Variants in PSD3 observed in about 807,000 individuals in gnomAD.
PSD3 encodes the protein pleckstrin and Sec7 domain containing 3.
Under a neutral mutation model 105.5 loss-of-function variants are expected in PSD3, and 49 were observed. That is an observed-to-expected ratio of 0.46 (90% CI 0.37 to 0.59). The LOEUF (loss-of-function observed/expected upper bound fraction) is 0.59, where lower values mean the gene tolerates loss of function less well. PSD3 is among the 20% of genes least tolerant of loss of function. PSD3 has a pLI of 0.00. For missense variants in PSD3, 1,561 were observed against 1,263.8 expected (o/e 1.24, Z -3.57); for synonymous variants, 557 against 457.8 (o/e 1.22, Z -2.77).
intron 12 of PSD3, among the ~76,000 whole-genome samples, chr8:18,594,874 T>A (rs1803974782): frequency 6.6e-6 from 1 of 152,140 alleles, no homozygotes; most frequent in Non-Finnish European, 1.5e-5. Flanking sequence ...GTTTTGTTTT[T>A]TGAAACTTTG....
chr8:18,932,138 G>A (rs1175487856), intron 2 of PSD3, among the ~76,000 whole-genome samples: 2 of 152,224 alleles, frequency 1.3e-5, no homozygotes, highest in African/African-American at 2.4e-5. Flanking sequence ...ACCCTGAGCT[G>A]TGTATTTACA....
chr8:18,583,587 T>C (rs957947240), intron 12 of PSD3, among the ~76,000 whole-genome samples: 7 of 152,188 alleles, frequency 4.6e-5, no homozygotes, highest in African/African-American at 9.6e-5. Flanking sequence ...CTGTATCACA[T>C]CTAAGTATCC....
chr8:18,872,391 T>C lies in PSD3; in HGVS notation c.473A>G (p.Gln158Arg). The C allele has an allele frequency of 5.6e-6, 9 of 1,614,228 alleles. No homozygotes were observed. The highest frequency in any genetic ancestry group is 7.6e-6 in the Non-Finnish European group (9 of 1,180,034). Residue 158 changes from glutamine (Q) to arginine (R), a missense_variant, in exon 3 of 16, where the codon CAA (glutamine) becomes CGA (arginine). By Grantham distance (43) the Gln-to-Arg change is conservative. Transcript: ENST00000327040. The stretch of plus-strand genomic sequence containing the variant: ...AACTGAAAAACTAGAAACAGCATCT[T>C]GGTCCAGTACCTTTGTAGCCTGTAA... The part of the protein sequence containing the change: ...GTLQATKVLD[Q>R]DAVSSFSVQQ...
intron 11 of PSD3, among the ~76,000 whole-genome samples, chr8:18,625,513 G>A (rs970172175): frequency 8.5e-5 from 13 of 152,096 alleles, no homozygotes; most frequent in African/African-American, 2.7e-4. Context: ...CACTGTGTTG[G>A]CCAAGTAAAA....
chr8:18,981,558 C>G (rs1825254291), intron 1 of PSD3, among the ~76,000 whole-genome samples: 2 of 152,164 alleles, frequency 1.3e-5, no homozygotes, highest in African/African-American at 4.8e-5. Context: ...TGTTAAGATT[C>G]TGTATATACA....
At chr8:18,812,291 C>T (rs1007924151) in intron 4 of PSD3, among the ~76,000 whole-genome samples, 4 of 152,114 alleles carry the variant, frequency 2.6e-5, no homozygotes, top group Admixed American at 6.5e-5. Context: ...ACTGCAATGC[C>T]CCAGAACACC....
chr8:18,784,353 T>A (rs889345206), intron 8 of PSD3, among the ~76,000 whole-genome samples: 7 of 152,230 alleles, frequency 4.6e-5, no homozygotes, highest in African/African-American at 1.7e-4. Context: ...TTCCCTACAC[T>A]CATACACCAC....
intron 14 of PSD3, among the ~76,000 whole-genome samples, chr8:18,561,740 G>C (rs1349365439): frequency 2.0e-5 from 3 of 152,036 alleles, no homozygotes; most frequent in Admixed American, 2.0e-4. Context: ...CTTAGGTTTT[G>C]AGAACAATTT....
At chr8:18,988,519 A>T (rs905445387) in intron 1 of PSD3, among the ~76,000 whole-genome samples, 1 of 152,196 alleles carries the variant, frequency 6.6e-6, no homozygotes, top group East Asian at 1.9e-4. Context: ...CACTTAGGAA[A>T]TGGTTTTCCT....
intron 8 of PSD3, among the ~76,000 whole-genome samples, chr8:18,773,187 T>C (rs1444144492): frequency 6.6e-6 from 1 of 152,210 alleles, no homozygotes; most frequent in African/African-American, 2.4e-5. Context: ...AGATAATTTT[T>C]ATACACTGTG....
intron 1 of PSD3, among the ~76,000 whole-genome samples, chr8:19,073,292 T>A (rs183811529): frequency 3.2e-4 from 48 of 152,234 alleles, no homozygotes; most frequent in Middle Eastern, 3.4e-3. Flanking sequence ...GGCTCACACC[T>A]GTAATCCCAG....
At chr8:18,727,334 C>CAAAA (rs11300334) in intron 9 of PSD3, among the ~76,000 whole-genome samples, 4 of 55,804 alleles carry the variant, frequency 7.2e-5, no homozygotes, top group East Asian at 1.1e-3. Context: ...GACTGTGTCT[C>CAAAA]AAAAAAAAAA....
intron 15 of PSD3, among the ~76,000 whole-genome samples, chr8:18,547,119 C>A (rs576761159): frequency 6.6e-6 from 1 of 152,246 alleles, no homozygotes; most frequent in Non-Finnish European, 1.5e-5. Context: ...GGCCCTAGCA[C>A]TGGGCACCCA....
rs556894301 is a variant in PSD3 at position 18,913,929 on chromosome 8, A to G, written c.130+22105T>C. Among the ~76,000 whole-genome samples the G allele has an allele frequency of 2.6e-5, 4 of 152,292 alleles. No homozygotes were observed. The East Asian group carries it at 7.7e-4, about 29-fold the overall frequency. ...ATCTCAGCACCAGGCTGGCCCCTGCAGATCCATGCTCTGGGCCTGTCCTCA... is the reference window on the plus strand; with the variant it reads ...ATCTCAGCACCAGGCTGGCCCCTGCGGATCCATGCTCTGGGCCTGTCCTCA... On this transcript the variant is annotated intron_variant, in intron 2 of 15. Transcript: ENST00000327040.
At chr8:18,692,693 C>T (rs1261960355) in intron 9 of PSD3, among the ~76,000 whole-genome samples, 1 of 151,992 alleles carries the variant, frequency 6.6e-6, no homozygotes, top group Non-Finnish European at 1.5e-5. Flanking sequence ...TCATTTTTTT[C>T]TTCCCAGTAA....
chr8:18,723,920 T>C (rs145677488), intron 9 of PSD3, among the ~76,000 whole-genome samples: 4 of 152,296 alleles, frequency 2.6e-5, no homozygotes, highest in African/African-American at 9.6e-5. Flanking sequence ...GATTGGCAAC[T>C]TCCGTTTCCA....
intron 9 of PSD3, chr8:18,730,049 C>T (rs891717938): frequency 4.6e-5 from 7 of 152,114 alleles, no homozygotes; most frequent in South Asian, 2.1e-4. Flanking sequence ...GAATATCATA[C>T]GGGATACTAG....
chr8:18,593,475 C>A (rs978552664), intron 12 of PSD3, among the ~76,000 whole-genome samples: 2 of 152,126 alleles, frequency 1.3e-5, no homozygotes, highest in African/African-American at 4.8e-5. Context: ...CAGGAAACAA[C>A]AGGTGCTGGA....
chr8:18,798,340 T>A (rs534645156), intron 8 of PSD3, among the ~76,000 whole-genome samples: 1 of 152,246 alleles, frequency 6.6e-6, no homozygotes, highest in Admixed American at 6.5e-5. Flanking sequence ...TAAAATGATG[T>A]TAAAATTAGG....
Sources: gnomAD v4.1 joint callset for allele counts (sites outside exome capture counted in the v4.1 genomes callset) on GRCh38, gnomAD v4.1.1 for gene constraint, MANE v1.5 for transcripts, NCBI Gene and HGNC (gene_info 2026-07-23, HGNC 2026-07-21) for gene names.